The following TASP1 variants were observed in gnomAD, a reference collection of about 807,000 sequenced individuals.
TASP1 encodes the protein threonine aspartase 1.
Under a neutral mutation model 56.6 loss-of-function variants are expected in TASP1, and 16 were observed. The observed-to-expected ratio is 0.28, with a 90% CI of 0.19 to 0.43. TASP1 has a LOEUF of 0.43. Ranked by LOEUF, TASP1 falls within the 20% of genes least tolerant of loss-of-function variation. The pLI is 1.00. For missense variants in TASP1, 393 were observed against 511.6 expected, an observed-to-expected ratio of 0.77 and a Z score of 2.24; for synonymous variants, 179 against 184.2, an observed-to-expected ratio of 0.97 and a Z score of 0.23.
the TASP1 span, among the ~76,000 whole-genome samples, chr20:13,360,938 G>A: frequency 5.7e-4 from 87 of 152,178 alleles, 1 homozygote; most frequent in South Asian, 2.3e-3. Context: ...TATTGATGGC[G>A]GTTCCACCAG....
At chr20:13,598,583 G>T (rs1468939735) in intron 4 of TASP1, among the ~76,000 whole-genome samples, 1 of 152,118 alleles carries the variant, frequency 6.6e-6, no homozygotes, top group Non-Finnish European at 1.5e-5. Context: ...AAAAACCCTA[G>T]AAGAAAACCT....
At chr20:13,386,821 A>G (rs946256361), downstream of TASP1, among the ~76,000 whole-genome samples, 4 of 152,322 alleles carry the variant, frequency 2.6e-5, no homozygotes, top group East Asian at 1.9e-4. Context: ...TGTAAAAAAA[A>G]TTCTAACATA....
intron 11 of TASP1, among the ~76,000 whole-genome samples, chr20:13,467,664 A>C (rs1344299341): frequency 6.6e-6 from 1 of 152,162 alleles, no homozygotes; most frequent in Non-Finnish European, 1.5e-5. Context: ...TACAAGAAAA[A>C]GAAGGGAAGG....
chr20:13,305,606 T>C, the TASP1 span, among the ~76,000 whole-genome samples: 4 of 152,206 alleles, frequency 2.6e-5, no homozygotes, highest in Admixed American at 2.0e-4. Flanking sequence ...GGTGGGTATA[T>C]ACAGAAACAT....
At chr20:13,393,043 G>A in intron 13 of TASP1, 1 of 589,882 alleles carries the variant, frequency 1.7e-6, no homozygotes, top group South Asian at 1.6e-5. Context: ...CATCTCTGCT[G>A]CCTCTGCTGA....
chr20:13,242,743 A>G, the TASP1 span, among the ~76,000 whole-genome samples: 1 of 152,242 alleles, frequency 6.6e-6, no homozygotes, highest in South Asian at 2.1e-4. Flanking sequence ...GATGAGGGGT[A>G]GGAATTACTT....
intron 10 of TASP1, among the ~76,000 whole-genome samples, chr20:13,526,361 C>A (rs1339760227): frequency 6.6e-6 from 1 of 152,106 alleles, no homozygotes; most frequent in Non-Finnish European, 1.5e-5. Context: ...ACTGTGATTT[C>A]TTTGAGACAA....
intron 9 of TASP1, among the ~76,000 whole-genome samples, chr20:13,531,651 T>C (rs2045224766): frequency 6.6e-6 from 1 of 151,670 alleles, no homozygotes; most frequent in Non-Finnish European, 1.5e-5. Context: ...GCCATCATGC[T>C]CAGATAATTT....
At chr20:13,363,831 T>C in the TASP1 span, among the ~76,000 whole-genome samples, 2 of 152,134 alleles carry the variant, frequency 1.3e-5, no homozygotes, top group African/African-American at 4.8e-5. Context: ...AAGTGTTGCA[T>C]TGAGTAGTGT....
chr20:13,302,861 G>A, the TASP1 span, among the ~76,000 whole-genome samples: 1 of 152,136 alleles, frequency 6.6e-6, no homozygotes, highest in Non-Finnish European at 1.5e-5. Context: ...AGAGGCCAGG[G>A]CAGCCTATAG....
intron 11 of TASP1, among the ~76,000 whole-genome samples, chr20:13,466,553 T>C (rs1208983584): frequency 2.0e-5 from 3 of 151,992 alleles, no homozygotes; most frequent in South Asian, 2.1e-4. Context: ...AAGACCAGGA[T>C]AGCCAACACA....
chr20:13,211,942 A>G, the TASP1 span, among the ~76,000 whole-genome samples: 1 of 152,132 alleles, frequency 6.6e-6, no homozygotes, highest in Admixed American at 6.6e-5. Flanking sequence ...AATGGTTACT[A>G]TCCAGTGCTT....
the TASP1 span, among the ~76,000 whole-genome samples, chr20:13,334,490 G>A: frequency 0.011 from 1,629 of 152,180 alleles, 21 homozygotes; most frequent in African/African-American, 0.037. Flanking sequence ...CGCTATCAAG[G>A]TATATGACTC....
chr20:13,339,134 G>A, the TASP1 span, among the ~76,000 whole-genome samples: 4 of 152,144 alleles, frequency 2.6e-5, no homozygotes, highest in Admixed American at 2.6e-4. Flanking sequence ...TTGAACACGA[G>A]GTCACATGGC....
intron 13 of TASP1, among the ~76,000 whole-genome samples, chr20:13,391,614 CAG>C (rs1289950676): frequency 6.7e-6 from 1 of 149,538 alleles, no homozygotes; most frequent in East Asian, 2.0e-4. Context: ...ATCATATAAA[CAG>C]TGGGAGCCGT....
chr20:13,393,634 T>C lies in TASP1; in HGVS notation c.1171-3182A>G. On this transcript the variant is annotated intron_variant, in intron 13 of 13. Transcript: ENST00000337743. ...GACAACGAATTTGGCTACAGCAATATGGTGGTGGACCTCATGGCCCACATG... is the reference window on the plus strand; with the variant it reads ...GACAACGAATTTGGCTACAGCAATACGGTGGTGGACCTCATGGCCCACATG... 6 of 1,274,998 alleles carry C rather than the reference T, an allele frequency of 4.7e-6. No individual in the cohort carries two copies. The East Asian group carries it at 9.3e-5, about 20-fold the overall frequency. 79.0% of individuals were successfully genotyped at this position (1,274,998 alleles called of 1,614,324 possible). A position where few individuals can be genotyped will look rare whatever the true frequency, so the allele number is the denominator to read the frequency against.
chr20:13,355,987 C>T, the TASP1 span, among the ~76,000 whole-genome samples: 1 of 152,340 alleles, frequency 6.6e-6, no homozygotes, highest in African/African-American at 2.4e-5. Context: ...ACCACTGTTG[C>T]TTCCTAAATG....
chr20:13,298,956 G>A, the TASP1 span: 22 of 1,613,280 alleles, frequency 1.4e-5, no homozygotes, highest in East Asian at 2.2e-5. Flanking sequence ...AGACAGCTGT[G>A]AGCGCTGGAT....
At chr20:13,573,814 A>G (rs906141570) in intron 6 of TASP1, among the ~76,000 whole-genome samples, 1 of 152,202 alleles carries the variant, frequency 6.6e-6, no homozygotes, top group African/African-American at 2.4e-5. Flanking sequence ...TCCTTGAGAG[A>G]AAGGAAAACA....
Sources: allele counts gnomAD v4.1 joint callset (sites outside exome capture counted in the v4.1 genomes callset), GRCh38; gene constraint gnomAD v4.1.1; transcripts MANE v1.5; gene names NCBI Gene and HGNC (gene_info 2026-07-23, HGNC 2026-07-21).